Variants in TAGAP observed in about 807,000 individuals in gnomAD.
TAGAP encodes T-cell activation Rho GTPase-activating protein.
TAGAP carries 16 observed loss-of-function variants against 36.0 expected under a neutral mutation model. The ratio of observed to expected loss-of-function variants is 0.44; its 90% CI spans 0.30 to 0.68. The LOEUF (loss-of-function observed/expected upper bound fraction) is 0.68, where lower values mean the gene tolerates loss of function less well. Ranked by LOEUF, TAGAP falls within the 30% of genes least tolerant of loss-of-function variation. TAGAP has a pLI of 0.09. For synonymous variants in TAGAP, 372 were observed against 377.4 expected (o/e 0.99, Z 0.17); for missense variants, 794 against 921.5 (o/e 0.86, Z 1.79).
Position 159,037,131 on chromosome 6 carries a change from G to T in TAGAP, c.899-7C>A. The T allele has an allele frequency of 6.3e-7, 1 of 1,589,410 alleles. No homozygotes were observed. The highest frequency in any genetic ancestry group is 8.5e-7 in the Non-Finnish European group (1 of 1,173,776). ...TTCTGCAGGGTCGACACATCTGGGG[G>T]AAGTCAAGCAGCAGTTGAACATTTG... On this transcript the variant is annotated splice_region_variant and splice_polypyrimidine_tract_variant and intron_variant, in intron 9 of 9. Transcript: ENST00000367066. This position sits in a 1 kb window ranked among gnomAD's most constrained non-coding sequence, Gnocchi z 5.1.
At chr6:159,038,637 G>T (rs1779641331) in intron 8 of TAGAP, among the ~76,000 whole-genome samples, 1 of 152,022 alleles carries the variant, frequency 6.6e-6, no homozygotes, top group South Asian at 2.1e-4. Context: ...CAATTCGCCT[G>T]CCTCGGCCTC....
chr6:159,036,947 A>C lies in TAGAP; in HGVS notation c.1076T>G (p.Val359Gly), dbSNP rs144719803. The part of the protein sequence containing the change: ...DAREVSPEPI[V>G]STVARLKSSL... ...GCTTTTCAGCCTGGCCACGGTGCTC[A>C]CAATGGGCTCTGGGCTGACCTCTCG... Residue 359 changes from valine (V) to glycine (G), a missense_variant, in exon 10 of 10, where the codon GTG (valine) becomes GGG (glycine). Transcript: ENST00000367066. This position sits in a 1 kb window ranked among gnomAD's most constrained non-coding sequence, Gnocchi z 4.9. The C allele has an allele frequency of 1.2e-6, 2 of 1,613,536 alleles. No homozygotes were observed. Among genetic ancestry groups the C allele is most frequent in the Non-Finnish European group, 1.7e-6 (2 of 1,179,694 alleles).
rs1406391067 is a variant in TAGAP at position 159,035,661 on chromosome 6, A to G, written c.*166T>C. 4.8e-6 allele frequency: 3 copies of G among 618,594 alleles called. No individual in the cohort carries two copies. The highest frequency in any genetic ancestry group is 1.8e-5 in the African/African-American group (1 of 54,456). 38.3% of individuals were successfully genotyped at this position (618,594 alleles called of 1,614,324 possible). A position where few individuals can be genotyped will look rare whatever the true frequency, so the allele number is the denominator to read the frequency against. On this transcript the variant is annotated 3_prime_UTR_variant, in exon 10 of 10. Coordinates refer to ENST00000367066, the MANE Select transcript of TAGAP (RefSeq NM_054114.5). ...GCACAAATCCAGGTACACAGAGACT[A>G]TCTGATGCGCCATGGCCATGGTGTA...
Position 159,036,683 on chromosome 6 carries a change from G to A in TAGAP, c.1340C>T (p.Pro447Leu). 1 of 1,614,010 alleles carries A rather than the reference G, an allele frequency of 6.2e-7. No individual in the cohort carries two copies. The highest frequency in any genetic ancestry group is 8.5e-7 in the Non-Finnish European group (1 of 1,179,874). ...CAGTGCCCGCGGGAGCACCGAACCC[G>A]GGGCCAAGTTCTTGATCTTCAGGTC... ...PVDLKIKNLA[P>L]GSVLPRALVL... Residue 447 changes from proline to leucine, a missense_variant, in exon 10 of 10, where the codon CCG becomes CTG. Transcript: ENST00000367066. This position sits in a 1 kb window ranked among gnomAD's most constrained non-coding sequence, Gnocchi z 4.9.
intron 4 of TAGAP, chr6:159,042,674 A>G (rs1779798331): frequency 6.3e-6 from 1 of 159,278 alleles, no homozygotes; most frequent in Non-Finnish European, 1.4e-5. Flanking sequence ...CGAAACTTAA[A>G]AGGTGAGGAA....
chr6:159,042,127 G>C lies in TAGAP; in HGVS notation c.266C>G (p.Pro89Arg), dbSNP rs1226138360. The C allele has an allele frequency of 1.2e-6, 2 of 1,614,166 alleles. No individual in the cohort carries two copies. The highest frequency in any genetic ancestry group is 1.7e-6 in the Non-Finnish European group (2 of 1,180,038). ...TDLKASLFDQ[P>R]LSIICGDSDT... is the part of the protein sequence containing the mutation. ...ACTGTCACCGCAGATAATTGACAAG[G>C]GCTGATCAAATAGCGATGCTTTCAA... is the stretch of plus-strand genomic sequence containing the variant. Residue 89 changes from proline to arginine, a missense_variant, in exon 5 of 10, where the codon CCC (proline) becomes CGC (arginine). Physicochemically the swap from Pro to Arg is moderately radical, Grantham distance 103 (BLOSUM62 -2). Transcript: ENST00000367066.
chr6:159,043,789 T>A, intron 3 of TAGAP, 134 bp from the exon 4 acceptor site: 1 of 1,054,702 alleles, frequency 9.5e-7, no homozygotes, highest in Non-Finnish European at 1.4e-6. Context: ...TTTTTCTAGC[T>A]TCTAGAAGCA....
intron 7 of TAGAP, among the ~76,000 whole-genome samples, chr6:159,039,685 G>A (rs891895443): frequency 6.6e-6 from 1 of 152,150 alleles, no homozygotes; most frequent in Non-Finnish European, 1.5e-5. Flanking sequence ...TTTCTAACAC[G>A]ACTAGACTGG....
chr6:159,043,306 G>T (rs532539836), intron 4 of TAGAP, among the ~76,000 whole-genome samples: 1 of 152,212 alleles, frequency 6.6e-6, no homozygotes, highest in Non-Finnish European at 1.5e-5. Context: ...TTTCAAATGT[G>T]TGCATGCTAA....
At position 159,036,422 on chromosome 6, in the gene TAGAP, A is replaced by T; in HGVS notation, c.1601T>A (p.Phe534Tyr). The T allele has an allele frequency of 6.2e-7, 1 of 1,614,100 alleles. No individual in the cohort carries two copies. The highest frequency in any genetic ancestry group is 8.5e-7 in the Non-Finnish European group (1 of 1,180,010). ...ACCCCTCGGGACGTGGTCCCTGGTA[A>T]AGTCTTGCGATTTCCCAGAGCCCGC... ...LSAGSGKSQD[F>Y]TRDHVPRGVR... The change falls in exon 10 of 10, where the codon TTT becomes TAT. Residue 534 changes from phenylalanine (F) to tyrosine (Y), a missense_variant. Physicochemically the swap from Phe to Tyr is conservative, Grantham distance 22. Coordinates refer to ENST00000367066, the MANE Select transcript of TAGAP (RefSeq NM_054114.5). The surrounding 1 kb of genome is among the most constrained non-coding windows in gnomAD (Gnocchi z 4.9).
intron 8 of TAGAP, chr6:159,038,888 C>T (rs1394361755): frequency 1.0e-5 from 14 of 1,399,172 alleles, no homozygotes; most frequent in East Asian, 5.4e-5. Flanking sequence ...TGTAAATACT[C>T]GCAGCACTCA....
At chr6:159,038,300 A>G (rs1280805639) in intron 8 of TAGAP, 72 bp from the exon 9 acceptor site, 1 of 790,306 alleles carries the variant, frequency 1.3e-6, no homozygotes, top group Non-Finnish European at 2.1e-6. Context: ...GAGGTGAGGA[A>G]GAATGGGGAC....
chr6:159,036,444 C>A lies in TAGAP; in HGVS notation c.1579G>T (p.Gly527Cys). ...GTAAAGTCTTGCGATTTCCCAGAGCCCGCGCTGAGGTTTTTGGTCAGCACT... is the reference window on the plus strand; with the variant it reads ...GTAAAGTCTTGCGATTTCCCAGAGCACGCGCTGAGGTTTTTGGTCAGCACT... ...KKVLTKNLSA[G>C]SGKSQDFTRD... The change falls in exon 10 of 10, where the codon GGC becomes TGC. Residue 527 changes from glycine (G) to cysteine (C), a missense_variant. Physicochemically the swap from Gly to Cys is radical, Grantham distance 159 (BLOSUM62 -3). Transcript: ENST00000367066. The surrounding 1 kb of genome is among the most constrained non-coding windows in gnomAD (Gnocchi z 4.9). 1 of 1,614,210 alleles carries A rather than the reference C, an allele frequency of 6.2e-7. No individual in the cohort carries two copies. The highest frequency in any genetic ancestry group is 8.5e-7 in the Non-Finnish European group (1 of 1,180,036).
chr6:159,038,172 G>T lies in TAGAP; in HGVS notation c.840C>A (p.Asn280Lys). The T allele has an allele frequency of 6.2e-7, 1 of 1,609,864 alleles. No homozygotes were observed. The highest frequency in any genetic ancestry group is 8.5e-7 in the Non-Finnish European group (1 of 1,177,520). Reference protein sequence around the residue: ...IDNCFEIFGENIPVHSSITSD... With the variant: ...IDNCFEIFGEKIPVHSSITSD... ...AAGTGATACTGGAATGCACTGGAAT[G>T]TTCTCCCCAAATATTTCAAAGCAGT... Residue 280 changes from asparagine to lysine, a missense_variant, in exon 9 of 10, where the codon AAC (asparagine) becomes AAA (lysine). By Grantham distance (94) the Asn-to-Lys change is moderately conservative. Coordinates refer to ENST00000367066, the MANE Select transcript of TAGAP (RefSeq NM_054114.5).
At position 159,041,689 on chromosome 6, in the gene TAGAP, T is replaced by G. The variant is rs1583778993; in HGVS notation, c.316-174A>C. ...AGGCAAATTGTGAAAGCTCTAATTT[T>G]GCACTTTCTAAAATCACTTTGGAGC... On this transcript the variant is annotated intron_variant, in intron 5 of 9. Coordinates refer to ENST00000367066, the MANE Select transcript of TAGAP (RefSeq NM_054114.5). The surrounding 1 kb of genome is among the most constrained non-coding windows in gnomAD (Gnocchi z 4.1). 2.8e-6 allele frequency: 2 copies of G among 707,606 alleles called. No homozygotes were observed. The highest frequency in any genetic ancestry group is 4.4e-6 in the Non-Finnish European group (2 of 450,204). The allele number at this position is 707,606 out of a possible 1,614,324, so 43.8% of individuals were successfully genotyped here.
chr6:159,043,433 A>C (rs1337923977), intron 4 of TAGAP, among the ~76,000 whole-genome samples, 156 bp downstream of exon 4: 1 of 152,196 alleles, frequency 6.6e-6, no homozygotes, highest in East Asian at 1.9e-4. Context: ...AGTGAGTTGG[A>C]GCATACCTGC....
At position 159,035,113 on chromosome 6, in the gene TAGAP, A is replaced by G. The variant is rs535036742; in HGVS notation, c.*714T>C. On this transcript the variant is annotated 3_prime_UTR_variant, in exon 10 of 10. Coordinates refer to ENST00000367066, the MANE Select transcript of TAGAP (RefSeq NM_054114.5). The stretch of plus-strand genomic sequence containing the variant: ...ATTATAGGATAGGATATCATGAACT[A>G]CAAAGATACTCAAAGTGCTATAGAT... 39 of 152,394 alleles carry G rather than the reference A, an allele frequency of 2.6e-4. No individual in the cohort carries two copies. The highest frequency in any genetic ancestry group is 1.8e-4 in the Non-Finnish European group (12 of 68,038). The allele number at this position is 152,394 out of a possible 1,614,324, so 9.4% of individuals were successfully genotyped here.
chr6:159,044,743 A>G (rs1779870286), intron 1 of TAGAP, 136 bp downstream of exon 1: 5 of 392,026 alleles, frequency 1.3e-5, no homozygotes, highest in Non-Finnish European at 2.2e-5. Context: ...CGTTGAAGCA[A>G]AGCTTTGTCC....
chr6:159,039,363 T>C (rs1779667833), intron 7 of TAGAP, 54 bp from the exon 8 acceptor site: 3 of 1,563,736 alleles, frequency 1.9e-6, no homozygotes, highest in Non-Finnish European at 2.6e-6. Context: ...GTCTTCAGTG[T>C]AGCAAGCTGA....
Sources: gnomAD v4.1 joint callset for allele counts (sites outside exome capture counted in the v4.1 genomes callset) on GRCh38, gnomAD v4.1.1 for gene constraint, Gnocchi (gnomAD v3.1) non-coding constraint, MANE v1.5 for transcripts, NCBI Gene and HGNC (gene_info 2026-07-23, HGNC 2026-07-21) for gene names.